SYTL3: variants seen among roughly 807,000 people sequenced by gnomAD.
The protein encoded by SYTL3 is synaptotagmin-like protein 3.
SYTL3 carries 88 observed loss-of-function variants against 82.1 expected under a neutral mutation model. The observed-to-expected ratio is 1.07, with a 90% CI of 0.90 to 1.28. The LOEUF (loss-of-function observed/expected upper bound fraction) is 1.28. Ranked by LOEUF, SYTL3 falls within the 50% of genes most tolerant of loss-of-function variation. The pLI, the probability that SYTL3 is intolerant of heterozygous loss-of-function variation, is 0.00. For synonymous variants in SYTL3, 311 were observed against 289.4 expected, an observed-to-expected ratio of 1.07 and a Z score of -0.76; for missense variants, 831 against 757.6, an observed-to-expected ratio of 1.10 and a Z score of -1.14.
At chr6:158,697,933 G>A (rs1780739580) in intron 6 of SYTL3, among the ~76,000 whole-genome samples, 1 of 152,168 alleles carries the variant, frequency 6.6e-6, no homozygotes, top group Non-Finnish European at 1.5e-5. Context: ...TGCTGGATAG[G>A]GGATGCTTCT....
intron 3 of SYTL3, 84 bp downstream of exon 3, chr6:158,661,469 T>A (rs1394293780): frequency 6.6e-6 from 1 of 152,230 alleles, no homozygotes; most frequent in Non-Finnish European, 1.5e-5. Context: ...TGTGGGTGCT[T>A]TGTCAGAGAC....
Position 158,707,219 on chromosome 6 carries a change from A to T in SYTL3, c.395-11A>T, listed in dbSNP as rs1782199183. On this transcript the variant is annotated splice_polypyrimidine_tract_variant and intron_variant, in intron 6 of 17. Coordinates refer to ENST00000611299, the MANE Select transcript of SYTL3 (RefSeq NM_001242394.2). ...TTAATAATAAACGCCCTCTATGGAT[A>T]TCTCTCGCAGGCAAACATGAGACAG... The T allele has an allele frequency of 6.2e-7, 1 of 1,613,698 alleles. No homozygotes were observed. Among genetic ancestry groups the T allele is most frequent in the Non-Finnish European group, 8.5e-7 (1 of 1,179,940 alleles).
chr6:158,677,001 TTCC>T (rs1778114550), intron 5 of SYTL3, among the ~76,000 whole-genome samples: 2 of 152,140 alleles, frequency 1.3e-5, no homozygotes, highest in Admixed American at 1.3e-4. Context: ...AGTGTGGCGA[TTCC>T]TCAAGGATCT....
At chr6:158,745,829 A>G (rs561523585) in intron 12 of SYTL3, among the ~76,000 whole-genome samples, 171 bp downstream of exon 12, 3 of 152,296 alleles carry the variant, frequency 2.0e-5, no homozygotes, top group South Asian at 4.2e-4. Flanking sequence ...TGTTATTGAT[A>G]CAAGGACAGA....
intron 13 of SYTL3, among the ~76,000 whole-genome samples, chr6:158,754,722 CAAACA>C (rs1350083505): frequency 1.1e-4 from 17 of 152,122 alleles, no homozygotes; most frequent in Non-Finnish European, 2.1e-4. Context: ...TCCGTCTCAA[CAAACA>C]AAACAAAACA....
chr6:158,730,886 T>TG (rs948517747), intron 11 of SYTL3, among the ~76,000 whole-genome samples: 2 of 151,716 alleles, frequency 1.3e-5, no homozygotes. Context: ...CGGGTCGGGG[T>TG]GGGGCGGTGA....
chr6:158,760,509 A>C, intron 14 of SYTL3, 131 bp from the exon 15 acceptor site: 1 of 723,234 alleles, frequency 1.4e-6, no homozygotes, highest in Non-Finnish European at 2.5e-6. Flanking sequence ...CCACGGACAC[A>C]CCTGCTCCAC....
At chr6:158,655,626 C>T (rs1788581197) in intron 2 of SYTL3, among the ~76,000 whole-genome samples, 3 of 152,212 alleles carry the variant, frequency 2.0e-5, no homozygotes, top group Non-Finnish European at 4.4e-5. Context: ...GCTGCTCTTA[C>T]TGTTAGTACC....
chr6:158,729,993 A>G (rs1332234476), intron 11 of SYTL3, among the ~76,000 whole-genome samples: 7 of 152,132 alleles, frequency 4.6e-5, no homozygotes, highest in Admixed American at 3.3e-4. Context: ...GTTAAGCCCT[A>G]TCCTATGTAG....
At chr6:158,703,578 G>A (rs1436456965) in intron 6 of SYTL3, among the ~76,000 whole-genome samples, 4 of 152,204 alleles carry the variant, frequency 2.6e-5, no homozygotes, top group Non-Finnish European at 5.9e-5. Flanking sequence ...GCTGGTAAAA[G>A]CCACACAGGG....
chr6:158,678,155 G>A (rs2033973), intron 5 of SYTL3, among the ~76,000 whole-genome samples: 36,461 of 152,118 alleles, frequency 0.24, 7,631 homozygotes, highest in African/African-American at 0.57. Context: ...GAGATTACAG[G>A]CGTGTCCCAC....
At chr6:158,745,006 T>A (rs1787430901) in intron 11 of SYTL3, among the ~76,000 whole-genome samples, 1 of 152,126 alleles carries the variant, frequency 6.6e-6, no homozygotes, top group Non-Finnish European at 1.5e-5. Flanking sequence ...GTGAGATCAG[T>A]ATGGTTTTTT....
chr6:158,749,529 T>A (rs1234339545), intron 12 of SYTL3, among the ~76,000 whole-genome samples: 2 of 142,028 alleles, frequency 1.4e-5, no homozygotes, highest in African/African-American at 5.2e-5. Flanking sequence ...TTTTTTTTTT[T>A]TTTAAGAAAT....
At chr6:158,723,221 T>G (rs1484713227) in intron 10 of SYTL3, among the ~76,000 whole-genome samples, 1 of 150,768 alleles carries the variant, frequency 6.6e-6, no homozygotes, top group Non-Finnish European at 1.5e-5. Flanking sequence ...CAGCCTCCTG[T>G]GTAGCTAGGA....
intron 10 of SYTL3, among the ~76,000 whole-genome samples, chr6:158,721,923 C>T (rs532592909): frequency 2.3e-4 from 35 of 152,202 alleles, no homozygotes; most frequent in Admixed American, 1.8e-3. Context: ...TGAGCCGCTG[C>T]GCCTGGTCCA....
intron 11 of SYTL3, among the ~76,000 whole-genome samples, chr6:158,743,253 T>C (rs1369369307): frequency 1.3e-5 from 2 of 152,174 alleles, no homozygotes; most frequent in Admixed American, 1.3e-4. Flanking sequence ...TGCCTTGAAG[T>C]GAAAGGCAGC....
At chr6:158,647,739 T>A (rs927980963), upstream of SYTL3, among the ~76,000 whole-genome samples, 2 of 152,276 alleles carry the variant, frequency 1.3e-5, no homozygotes, top group African/African-American at 4.8e-5. Flanking sequence ...TAACTGCTCA[T>A]GAATCTTTGG....
rs35335929 is a variant in SYTL3 at position 158,697,277 on chromosome 6, G to GAAAA, written c.395-9933_395-9930dup. 3.2e-5 allele frequency among the ~76,000 whole-genome samples: 3 copies of GAAAA among 94,500 alleles called. No homozygotes were observed. The Admixed American group carries it at 3.8e-4, about 12-fold the overall frequency. 62.0% of individuals were successfully genotyped at this position (94,500 alleles called of 152,430 possible). A position where few individuals can be genotyped will look rare whatever the true frequency, so the allele number is the denominator to read the frequency against. ...AACATGGTGAAACCCCATCTCTACG[G>GAAAA]AAAAAAAAAAAAAAAAAAAAAAATT... is the stretch of plus-strand genomic sequence containing the variant. On this transcript the variant is annotated intron_variant, in intron 6 of 17. Transcript: ENST00000611299.
At chr6:158,674,968 G>A (rs970541513) in intron 5 of SYTL3, among the ~76,000 whole-genome samples, 4 of 149,692 alleles carry the variant, frequency 2.7e-5, no homozygotes, top group South Asian at 2.2e-4. Context: ...GGCCCTGCCC[G>A]ACACAGTTAG....
Sources: gnomAD v4.1 joint callset for allele counts (sites outside exome capture counted in the v4.1 genomes callset) on GRCh38, gnomAD v4.1.1 for gene constraint, MANE v1.5 for transcripts, NCBI Gene and HGNC (gene_info 2026-07-23, HGNC 2026-07-21) for gene names.